RP1: variants seen among roughly 807,000 people sequenced by gnomAD.
RP1 encodes the protein oxygen-regulated protein 1.
A neutral mutation model predicts 14.8 loss-of-function variants in RP1; 16 were observed. The ratio of observed to expected loss-of-function variants is 1.08; its 90% CI spans 0.73 to 1.65. The LOEUF (loss-of-function observed/expected upper bound fraction) is 1.65, where lower values mean the gene tolerates loss of function less well. Among genes scored for constraint, RP1 ranks in the 40% most tolerant of loss-of-function variants. RP1 has a pLI of 0.00. For synonymous variants in RP1, 876 were observed against 883.6 expected (o/e 0.99, Z 0.15); for missense variants, 2,631 against 2,535.0 (o/e 1.04, Z -0.81).
intron 24 of RP1, among the ~76,000 whole-genome samples, chr8:54,809,456 C>A (rs1485337520): frequency 1.3e-5 from 2 of 152,168 alleles, no homozygotes; most frequent in Non-Finnish European, 2.9e-5. Context: ...CTGCTGGCAT[C>A]TGAATTATGT....
chr8:54,828,405 A>C (rs958284218), intron 24 of RP1, among the ~76,000 whole-genome samples: 2 of 152,014 alleles, frequency 1.3e-5, no homozygotes, highest in Non-Finnish European at 2.9e-5. Context: ...TCCTGCTCTT[A>C]ATTCTCAAGA....
In RP1 at chr8:54,843,328, C is replaced by T. The variant is rs533100556; in HGVS notation, c.3835+5659C>T. Among the ~76,000 whole-genome samples the T allele has an allele frequency of 7.2e-5, 11 of 152,246 alleles. No individual in the cohort carries two copies. In the East Asian group the frequency reaches 9.7e-4, roughly 13 times the overall value. ...AACTCCTGACCTCAGGTGATCCACC[C>T]GCTTCGGCCTCCCAAAAGGCTGGGA... On this transcript the variant is annotated intron_variant, in intron 25 of 28. Transcript: ENST00000637698.
At chr8:54,651,479 G>T (rs1293745606) in intron 4 of RP1, among the ~76,000 whole-genome samples, 1 of 150,786 alleles carries the variant, frequency 6.6e-6, no homozygotes, top group African/African-American at 2.4e-5. Context: ...TTATTTCTTC[G>T]AGTCACTTTT....
At chr8:54,801,352 G>T (rs1810701089) in intron 24 of RP1, among the ~76,000 whole-genome samples, 1 of 152,176 alleles carries the variant, frequency 6.6e-6, no homozygotes, top group South Asian at 2.1e-4. Flanking sequence ...GCCAGGCGTT[G>T]CAAACCTTCA....
At chr8:54,660,063 T>C (rs1375610036) in intron 6 of RP1, among the ~76,000 whole-genome samples, 2 of 152,134 alleles carry the variant, frequency 1.3e-5, no homozygotes, top group Admixed American at 6.5e-5. Flanking sequence ...GTTGATTTTG[T>C]TGTTTTAACA....
chr8:54,651,990 G>A (rs956023336), intron 4 of RP1, among the ~76,000 whole-genome samples: 2 of 147,132 alleles, frequency 1.4e-5, no homozygotes, highest in Non-Finnish European at 3.0e-5. Flanking sequence ...TGTTGCTTAC[G>A]AGTATGTTCT....
At chr8:54,589,032 T>A (rs1360948425) in intron 1 of RP1, among the ~76,000 whole-genome samples, 3 of 152,132 alleles carry the variant, frequency 2.0e-5, no homozygotes, top group Non-Finnish European at 4.4e-5. Flanking sequence ...TGTGTGTGTG[T>A]GATTCCAGAG....
chr8:54,823,496 A>G (rs1054152028), intron 24 of RP1, among the ~76,000 whole-genome samples: 1 of 151,850 alleles, frequency 6.6e-6, no homozygotes, highest in Non-Finnish European at 1.5e-5. Flanking sequence ...ACACCAGCTA[A>G]TTTTTGTGTT....
chr8:54,646,463 A>G (rs1462403634), intron 3 of RP1, among the ~76,000 whole-genome samples: 1 of 152,196 alleles, frequency 6.6e-6, no homozygotes, highest in Non-Finnish European at 1.5e-5. Context: ...CTAATGGAAG[A>G]CAATGACATC....
chr8:54,595,033 A>G (rs1805109059), intron 1 of RP1, among the ~76,000 whole-genome samples: 1 of 152,132 alleles, frequency 6.6e-6, no homozygotes, highest in African/African-American at 2.4e-5. Context: ...TATAATAAAT[A>G]AACATTTAAA....
intron 22 of RP1, among the ~76,000 whole-genome samples, chr8:54,762,800 C>T (rs57014117): frequency 0.015 from 2,342 of 152,266 alleles, 54 homozygotes; most frequent in African/African-American, 0.051. Context: ...ACAGTCCTTC[C>T]TCGCCCTTCC....
chr8:54,852,851 G>A (rs1812087809), intron 26 of RP1: 3 of 663,972 alleles, frequency 4.5e-6, no homozygotes, highest in Non-Finnish European at 6.4e-6. Context: ...AATTCAGGGA[G>A]GTGTGGTCAT....
chr8:54,768,625 T>C (rs1190049656), intron 22 of RP1, among the ~76,000 whole-genome samples: 6 of 152,202 alleles, frequency 3.9e-5, no homozygotes, highest in Admixed American at 3.9e-4. Context: ...TACAAAAAAA[T>C]GCTTGTACAC....
intron 24 of RP1, among the ~76,000 whole-genome samples, chr8:54,791,815 AT>A (rs1303584706): frequency 6.6e-6 from 1 of 152,110 alleles, no homozygotes; most frequent in African/African-American, 2.4e-5. Context: ...TAAAGGAAAT[AT>A]AATCAGAAAA....
intron 25 of RP1, among the ~76,000 whole-genome samples, chr8:54,847,690 T>C (rs1053124658): frequency 1.3e-5 from 2 of 152,240 alleles, no homozygotes; most frequent in African/African-American, 4.8e-5. Flanking sequence ...TGCTGATAGA[T>C]ATCACAGGCC....
At chr8:54,568,033 T>G (rs1193566836) in intron 1 of RP1, among the ~76,000 whole-genome samples, 1 of 152,214 alleles carries the variant, frequency 6.6e-6, no homozygotes, top group Admixed American at 6.5e-5. Context: ...AAAACCAGAC[T>G]CTATTTTTCC....
chr8:54,816,313 A>G (rs2129395123), intron 24 of RP1, among the ~76,000 whole-genome samples: 2 of 152,358 alleles, frequency 1.3e-5, no homozygotes, highest in Admixed American at 1.3e-4. Flanking sequence ...CTGTAAGGCT[A>G]AAAGCTCCAT....
At chr8:54,716,840 A>G (rs1808416702) in intron 15 of RP1, among the ~76,000 whole-genome samples, 1 of 152,140 alleles carries the variant, frequency 6.6e-6, no homozygotes, top group Non-Finnish European at 1.5e-5. Context: ...CTCTAGTACT[A>G]TGCTAAACAC....
chr8:54,794,027 TA>T (rs1454575088), intron 24 of RP1, among the ~76,000 whole-genome samples: 1 of 151,734 alleles, frequency 6.6e-6, no homozygotes, highest in Non-Finnish European at 1.5e-5. Context: ...TCTCTACACT[TA>T]AAAAAATAAG....
Sources: allele counts gnomAD v4.1 joint callset (sites outside exome capture counted in the v4.1 genomes callset), GRCh38; gene constraint gnomAD v4.1.1; transcripts MANE v1.5; gene names NCBI Gene and HGNC (gene_info 2026-07-23, HGNC 2026-07-21).